SUPT3H: variants seen among roughly 807,000 people sequenced by gnomAD.
The protein encoded by SUPT3H is SPT3 homolog, SAGA and STAGA complex component.
Under a neutral mutation model 44.3 loss-of-function variants are expected in SUPT3H, and 44 were observed. That is an observed-to-expected ratio of 0.99 (90% CI 0.78 to 1.28). The LOEUF is 1.28. Among genes scored for constraint, SUPT3H ranks in the 50% most tolerant of loss-of-function variants. The pLI, the probability that SUPT3H is intolerant of heterozygous loss-of-function variation, is 0.00. For synonymous variants in SUPT3H, 124 were observed against 125.6 expected (o/e 0.99, Z 0.09); for missense variants, 380 against 387.1 (o/e 0.98, Z 0.15).
At chr6:45,220,470 T>C (rs1372614111) in intron 2 of SUPT3H, among the ~76,000 whole-genome samples, 2 of 152,148 alleles carry the variant, frequency 1.3e-5, no homozygotes, top group Non-Finnish European at 2.9e-5. Flanking sequence ...AAATTATTCA[T>C]AATGATAGAA....
chr6:44,960,484 G>A (rs1325731385), intron 7 of SUPT3H, among the ~76,000 whole-genome samples: 1 of 150,682 alleles, frequency 6.6e-6, no homozygotes. Flanking sequence ...AAAAAAACAT[G>A]AAGTAACTGA....
At chr6:45,287,284 A>T (rs370549856) in intron 2 of SUPT3H, among the ~76,000 whole-genome samples, 2 of 152,112 alleles carry the variant, frequency 1.3e-5, no homozygotes, top group African/African-American at 4.8e-5. Flanking sequence ...AAATTATAAC[A>T]TGAGTGAATG....
At chr6:45,246,880 G>T (rs1414543795) in intron 2 of SUPT3H, among the ~76,000 whole-genome samples, 1 of 152,140 alleles carries the variant, frequency 6.6e-6, no homozygotes, top group Non-Finnish European at 1.5e-5. Flanking sequence ...TATTAGAAAA[G>T]AAGGTCTTAA....
In SUPT3H at chr6:45,178,118, G is replaced by A. The variant is rs961779240; in HGVS notation, c.102-72112C>T. On this transcript the variant is annotated intron_variant, in intron 2 of 10. Coordinates refer to ENST00000371459, the MANE Select transcript of SUPT3H (RefSeq NM_003599.4). ...TTAAATGCTCCAATTAGAAGACACA[G>A]ACTGGCAAATTGGATAAAGAGTCAA... Among the ~76,000 whole-genome samples, 41 of 152,148 alleles carry A rather than the reference G, an allele frequency of 2.7e-4. 1 individual carries two copies. Among genetic ancestry groups the A allele is most frequent in the South Asian group, 4.2e-4 (2 of 4,798 alleles).
chr6:45,051,182 C>T (rs1790249425), intron 3 of SUPT3H, among the ~76,000 whole-genome samples: 1 of 152,096 alleles, frequency 6.6e-6, no homozygotes, highest in Non-Finnish European at 1.5e-5. Context: ...AGCCACTGCG[C>T]CCAGCCTGAG....
chr6:45,032,096 A>T (rs1420217695), intron 3 of SUPT3H, among the ~76,000 whole-genome samples: 1 of 152,182 alleles, frequency 6.6e-6, no homozygotes, highest in Admixed American at 6.5e-5. Context: ...TGCTTTCATC[A>T]TATGATGAAC....
At chr6:44,905,271 T>C (rs1765810930) in intron 10 of SUPT3H, among the ~76,000 whole-genome samples, 1 of 152,168 alleles carries the variant, frequency 6.6e-6, no homozygotes, top group African/African-American at 2.4e-5. Context: ...AATCTACTCA[T>C]CTGACAAAAG....
intron 6 of SUPT3H, among the ~76,000 whole-genome samples, chr6:44,984,619 A>G (rs189095023): frequency 6.6e-6 from 1 of 152,146 alleles, no homozygotes; most frequent in Non-Finnish European, 1.5e-5. Context: ...ATAGTCTGTC[A>G]CCAATTGCAG....
chr6:44,914,856 C>T (rs1286070453), intron 10 of SUPT3H, among the ~76,000 whole-genome samples: 1 of 152,190 alleles, frequency 6.6e-6, no homozygotes, highest in East Asian at 1.9e-4. Flanking sequence ...GATACAGGTC[C>T]TCACCAGGTG....
At chr6:44,891,732 A>T (rs1417107869) in intron 10 of SUPT3H, among the ~76,000 whole-genome samples, 1 of 152,046 alleles carries the variant, frequency 6.6e-6, no homozygotes, top group Non-Finnish European at 1.5e-5. Flanking sequence ...ATGTACACTT[A>T]AAAATGGTTA....
Position 45,365,308 on chromosome 6 carries a change from A to C in SUPT3H, c.1-7T>G. ...TAGCTGCCGTATTATTCATCTAAAT[A>C]AAAAGGAGAAATAAAGCTTACAAAA... On this transcript the variant is annotated splice_polypyrimidine_tract_variant and splice_region_variant and intron_variant, in intron 1 of 10. Transcript: ENST00000371459. 1 of 1,592,804 alleles carries C rather than the reference A, an allele frequency of 6.3e-7. No homozygotes were observed. Among genetic ancestry groups the C allele is most frequent in the Non-Finnish European group, 8.6e-7 (1 of 1,163,378 alleles).
chr6:45,081,844 A>AT (rs1795859692), intron 3 of SUPT3H, among the ~76,000 whole-genome samples: 1 of 152,126 alleles, frequency 6.6e-6, no homozygotes, highest in East Asian at 1.9e-4. Flanking sequence ...CTGCTCAGCA[A>AT]TTTCAGCCAA....
At chr6:45,211,325 T>C (rs1307387818) in intron 2 of SUPT3H, among the ~76,000 whole-genome samples, 1 of 152,168 alleles carries the variant, frequency 6.6e-6, no homozygotes, top group Non-Finnish European at 1.5e-5. Context: ...TGCCCTTTCA[T>C]GGTCCTCATA....
intron 6 of SUPT3H, among the ~76,000 whole-genome samples, chr6:44,985,554 T>C (rs1288618008): frequency 6.6e-6 from 1 of 152,186 alleles, no homozygotes; most frequent in Non-Finnish European, 1.5e-5. Flanking sequence ...CAAAAACCTC[T>C]TTAACCCATA....
At chr6:45,077,637 A>AAAAAAAAG (rs1484717133) in intron 3 of SUPT3H, among the ~76,000 whole-genome samples, 1 of 86,552 alleles carries the variant, frequency 1.2e-5, no homozygotes, top group East Asian at 4.3e-4. Context: ...AAAAAAAAAA[A>AAAAAAAAG]AAAAAGAAAA....
chr6:45,297,672 CAATGTTACACACATGTTCATAATG>C (rs1380794602), intron 2 of SUPT3H, among the ~76,000 whole-genome samples: 3 of 152,136 alleles, frequency 2.0e-5, no homozygotes, highest in Non-Finnish European at 4.4e-5. Context: ...TACACACACA[CAATGTTACACACATGTTCATAATG>C]AACTTGAAGT....
chr6:44,816,357 AC>A (rs1339404116), intron 11 of SUPT3H, among the ~76,000 whole-genome samples: 1 of 152,320 alleles, frequency 6.6e-6, no homozygotes, highest in East Asian at 1.9e-4. Flanking sequence ...TTATGCCAAA[AC>A]TTTTGTTAAC....
At chr6:45,244,351 C>G (rs1770963093) in intron 2 of SUPT3H, among the ~76,000 whole-genome samples, 1 of 152,144 alleles carries the variant, frequency 6.6e-6, no homozygotes, top group Admixed American at 6.5e-5. Flanking sequence ...AAAGATAAAA[C>G]CTATTAGCCA....
downstream of SUPT3H, among the ~76,000 whole-genome samples, chr6:44,823,178 G>A (rs35214627): frequency 0.11 from 17,293 of 151,588 alleles, 1,271 homozygotes; most frequent in Admixed American, 0.19. Context: ...ATATGAGAAT[G>A]ACAAAGAGGT....
Sources: allele counts gnomAD v4.1 joint callset (sites outside exome capture counted in the v4.1 genomes callset), GRCh38; gene constraint gnomAD v4.1.1; transcripts MANE v1.5; gene names NCBI Gene and HGNC (gene_info 2026-07-23, HGNC 2026-07-21).